MCTP1: variants seen among roughly 807,000 people sequenced by gnomAD.
The protein encoded by MCTP1 is multiple C2 and transmembrane domain containing 1.
Under a neutral mutation model 120.6 loss-of-function variants are expected in MCTP1, and 69 were observed. That is an observed-to-expected ratio of 0.57 (90% CI 0.47 to 0.70). The LOEUF (loss-of-function observed/expected upper bound fraction) is 0.70. Among genes scored for constraint, MCTP1 ranks in the 30% least tolerant of loss-of-function variants. The probability of loss-of-function intolerance (pLI) is 0.00; values close to 1 mark genes in which losing one functional copy is unlikely to be tolerated. For missense variants in MCTP1, 1,203 were observed against 1,248.8 expected (o/e 0.96, Z 0.55); for synonymous variants, 529 against 493.1 (o/e 1.07, Z -0.96).
intron 10 of MCTP1, among the ~76,000 whole-genome samples, chr5:94,906,729 A>G (rs547873349): frequency 3.1e-4 from 47 of 152,330 alleles, no homozygotes; most frequent in Non-Finnish European, 5.9e-4. Context: ...ACTAGTCTAT[A>G]TAGATAATGT....
chr5:94,747,947 C>T (rs113166643), intron 19 of MCTP1, among the ~76,000 whole-genome samples: 3,103 of 151,994 alleles, frequency 0.02, 107 homozygotes, highest in African/African-American at 0.071. Flanking sequence ...AAAAATTGCT[C>T]GGCGTAGTGG....
At chr5:95,188,570 G>A (rs1055791882) in intron 1 of MCTP1, among the ~76,000 whole-genome samples, 3 of 152,182 alleles carry the variant, frequency 2.0e-5, no homozygotes, top group African/African-American at 4.8e-5. Context: ...AGGATGCTGA[G>A]TGAAAAATGT....
intron 6 of MCTP1, chr5:94,930,926 G>A (rs925709657): frequency 3.3e-5 from 5 of 151,976 alleles, no homozygotes; most frequent in Non-Finnish European, 5.9e-5. Flanking sequence ...TCCTTAATAA[G>A]CCTTTTTCAT....
At chr5:95,282,739 T>C (rs1003705360) in intron 1 of MCTP1, among the ~76,000 whole-genome samples, 4 of 152,226 alleles carry the variant, frequency 2.6e-5, no homozygotes, top group Admixed American at 1.3e-4. Context: ...GAACAAAACA[T>C]ATTCATATTC....
chr5:95,086,513 A>C (rs1232053324), intron 1 of MCTP1, among the ~76,000 whole-genome samples: 1 of 152,230 alleles, frequency 6.6e-6, no homozygotes, highest in Non-Finnish European at 1.5e-5. Flanking sequence ...TGCATCCCAA[A>C]GATCATTCAA....
chr5:94,868,299 G>T, intron 17 of MCTP1, 34 bp downstream of exon 17: 1 of 1,535,958 alleles, frequency 6.5e-7, no homozygotes, highest in Non-Finnish European at 8.8e-7. Flanking sequence ...TGAATTTAAT[G>T]AATAACAATG....
intron 17 of MCTP1, among the ~76,000 whole-genome samples, chr5:94,864,188 G>T (rs1329956632): frequency 6.6e-6 from 1 of 151,872 alleles, no homozygotes; most frequent in Non-Finnish European, 1.5e-5. Context: ...AGGACAGAGG[G>T]CTGAAGCCAG....
chr5:94,720,729 T>A (rs1343488415), intron 19 of MCTP1, among the ~76,000 whole-genome samples: 2 of 152,216 alleles, frequency 1.3e-5, no homozygotes, highest in African/African-American at 4.8e-5. Flanking sequence ...ATTTCCCCAA[T>A]TTTCTTTAAT....
intron 1 of MCTP1, among the ~76,000 whole-genome samples, chr5:95,226,495 T>C (rs1434458167): frequency 6.6e-6 from 1 of 152,126 alleles, no homozygotes; most frequent in African/African-American, 2.4e-5. Context: ...GGAGTAAATC[T>C]TGGTAAGTGG....
At position 94,917,983 on chromosome 5, in the gene MCTP1, A is replaced by C. The variant is rs1170497777; in HGVS notation, c.1273-10T>G. ...CTGGCCTGCCGCACGTCTGGATGGAAATGAATGATCAGAGCTGTACGGGGA... is the reference window on the plus strand; with the variant it reads ...CTGGCCTGCCGCACGTCTGGATGGACATGAATGATCAGAGCTGTACGGGGA... On this transcript the variant is annotated splice_polypyrimidine_tract_variant and intron_variant, in intron 7 of 22. Coordinates refer to ENST00000515393, the MANE Select transcript of MCTP1 (RefSeq NM_024717.7). 3 of 1,612,154 alleles carry C rather than the reference A, an allele frequency of 1.9e-6. No homozygotes were observed. The highest frequency in any genetic ancestry group is 4.5e-5 in the East Asian group (2 of 44,860).
intron 1 of MCTP1, among the ~76,000 whole-genome samples, chr5:95,237,222 G>A (rs1236656913): frequency 6.6e-6 from 1 of 152,120 alleles, no homozygotes; most frequent in Admixed American, 6.6e-5. Flanking sequence ...TGTAGTGTGT[G>A]CTACTACTCA....
chr5:94,889,065 C>A, intron 11 of MCTP1, 93 bp from the exon 12 acceptor site: 1 of 803,040 alleles, frequency 1.2e-6, no homozygotes, highest in South Asian at 1.6e-5. Context: ...AGTTTATCTT[C>A]AGACTCTGGG....
intron 1 of MCTP1, among the ~76,000 whole-genome samples, chr5:95,037,777 G>A (rs1237736143): frequency 6.6e-6 from 1 of 152,146 alleles, no homozygotes; most frequent in Non-Finnish European, 1.5e-5. Flanking sequence ...TGAGGCTGAG[G>A]GAGAATCGCG....
intron 19 of MCTP1, among the ~76,000 whole-genome samples, chr5:94,723,958 C>A (rs530082428): frequency 6.6e-6 from 1 of 151,636 alleles, no homozygotes; most frequent in Non-Finnish European, 1.5e-5. Flanking sequence ...GAGGAAAACA[C>A]GGAAAGAGAT....
intron 1 of MCTP1, among the ~76,000 whole-genome samples, chr5:95,259,644 C>T (rs542875149): frequency 3.9e-5 from 6 of 152,224 alleles, no homozygotes; most frequent in South Asian, 4.1e-4. Flanking sequence ...GCAGATCCTA[C>T]GAGTGGCAAT....
chr5:94,771,349 TAAA>T (rs1381112588), intron 19 of MCTP1, among the ~76,000 whole-genome samples: 4 of 152,192 alleles, frequency 2.6e-5, no homozygotes, highest in Non-Finnish European at 5.9e-5. Flanking sequence ...GTCTGTGACT[TAAA>T]TAAGACTAAA....
chr5:94,947,599 G>GAGAGAGAC lies in MCTP1; in HGVS notation c.982-5173_982-5172insGTCTCTCT, dbSNP rs1018230139. Among the ~76,000 whole-genome samples the GAGAGAGAC allele has an allele frequency of 2.8e-4, 27 of 97,958 alleles. 2 individuals are homozygous for GAGAGAGAC. The highest frequency in any genetic ancestry group is 9.7e-4 in the African/African-American group (25 of 25,864). The allele number at this position is 97,958 out of a possible 152,430, so 64.3% of individuals were successfully genotyped here. Reference sequence around the variant, plus strand: ...ATATAGAGAGAGAGAGAGAGAGAGAGAGAGAGAGAGAGAGAGAGAGAGAAA... The same window carrying GAGAGAGAC: ...ATATAGAGAGAGAGAGAGAGAGAGAGAGAGAGACAGAGAGAGAGAGAGAGAGAGAGAAA... On this transcript the variant is annotated intron_variant, in intron 3 of 22. Transcript: ENST00000515393.
chr5:94,910,882 C>T (rs1391578721), intron 9 of MCTP1, among the ~76,000 whole-genome samples: 1 of 151,798 alleles, frequency 6.6e-6, no homozygotes, highest in African/African-American at 2.4e-5. Context: ...ATTTAAATGT[C>T]TTATAATCAG....
At position 95,072,695 on chromosome 5, in the gene MCTP1, A is replaced by C. The variant is rs1582153963; in HGVS notation, c.721-55211T>G. ...ACAATATATGTTTGGAGCTAGATTC[A>C]ACCTCAACTGTTCTAGCTCCAAATT... On this transcript the variant is annotated intron_variant, in intron 1 of 22. Coordinates refer to ENST00000515393, the MANE Select transcript of MCTP1 (RefSeq NM_024717.7). 2.0e-5 allele frequency among the ~76,000 whole-genome samples: 3 copies of C among 151,604 alleles called. No homozygotes were observed. In the East Asian group the frequency reaches 5.8e-4, roughly 29 times the overall value.
Sources: allele counts gnomAD v4.1 joint callset (sites outside exome capture counted in the v4.1 genomes callset), GRCh38; gene constraint gnomAD v4.1.1; transcripts MANE v1.5; gene names NCBI Gene and HGNC (gene_info 2026-07-23, HGNC 2026-07-21).